CELF4: variants seen among roughly 807,000 people sequenced by gnomAD.
CELF4 encodes the protein CUG-BP- and ETR-3-like factor 4.
A neutral mutation model predicts 59.9 loss-of-function variants in CELF4; 18 were observed. That is an observed-to-expected ratio of 0.30 (90% CI 0.21 to 0.45). The LOEUF (loss-of-function observed/expected upper bound fraction) is 0.45. CELF4 is among the 20% of genes least tolerant of loss of function. CELF4 has a pLI of 1.00. For synonymous variants in CELF4, 261 were observed against 267.1 expected, an observed-to-expected ratio of 0.98 and a Z score of 0.22; for missense variants, 456 against 689.0, an observed-to-expected ratio of 0.66 and a Z score of 3.79.
intron 2 of CELF4, among the ~76,000 whole-genome samples, chr18:37,365,981 G>A (rs2098776491): frequency 6.6e-6 from 1 of 152,210 alleles, no homozygotes; most frequent in Non-Finnish European, 1.5e-5. Flanking sequence ...TGACCTGGAA[G>A]TTTCAGTAGG....
At position 37,253,014 on chromosome 18, in the gene CELF4, C is replaced by T. The variant is rs925575356; in HGVS notation, c.*44+753G>A. Among the ~76,000 whole-genome samples the T allele has an allele frequency of 4.6e-5, 7 of 151,866 alleles. No homozygotes were observed. The highest frequency in any genetic ancestry group is 1.3e-4 in the Admixed American group (2 of 15,260). ...ACTTTTGATGTCCTGGGGAATCTCC[C>T]CCCATTCTTTCTGCAGGAAGAACTT... is the stretch of plus-strand genomic sequence containing the variant. On this transcript the variant is annotated intron_variant, in intron 12 of 12. Transcript: ENST00000420428. This position sits in a 1 kb window ranked among gnomAD's most constrained non-coding sequence, Gnocchi z 4.5.
At chr18:37,306,982 C>T (rs943969563) in intron 3 of CELF4, among the ~76,000 whole-genome samples, 2 of 152,182 alleles carry the variant, frequency 1.3e-5, no homozygotes, top group African/African-American at 2.4e-5. Context: ...GCCACGTTTG[C>T]CACCTCTGTG....
intron 3 of CELF4, 26 bp downstream of exon 3, chr18:37,321,776 GA>G: frequency 1.3e-6 from 2 of 1,525,722 alleles, no homozygotes; most frequent in Non-Finnish European, 1.8e-6. Context: ...GGGGGAGGGG[GA>G]GGGGCAGAGA....
intron 2 of CELF4, among the ~76,000 whole-genome samples, chr18:37,393,051 AC>A (rs1160554447): frequency 4.8e-5 from 2 of 41,498 alleles, no homozygotes; most frequent in African/African-American, 3.2e-4. Flanking sequence ...TTGCACAGAC[AC>A]AGGGACTGCG....
At chr18:37,490,640 T>C (rs2099899414) in intron 1 of CELF4, among the ~76,000 whole-genome samples, 1 of 152,104 alleles carries the variant, frequency 6.6e-6, no homozygotes, top group Non-Finnish European at 1.5e-5. Flanking sequence ...CTCAGCAAGC[T>C]GGAAATGTAA....
At position 37,346,394 on chromosome 18, in the gene CELF4, G is replaced by A. The variant is rs763279706; in HGVS notation, c.370-24513C>T. On this transcript the variant is annotated intron_variant, in intron 2 of 12. Coordinates refer to ENST00000420428, the MANE Select transcript of CELF4 (RefSeq NM_020180.4). ...GGGAGAAGTGGGGAATGAATGCAGAGTGTGACAGAGGCAGGGCAGGTTTGC... is the reference window on the plus strand; with the variant it reads ...GGGAGAAGTGGGGAATGAATGCAGAATGTGACAGAGGCAGGGCAGGTTTGC... Among the ~76,000 whole-genome samples, 46 of 152,218 alleles carry A rather than the reference G, an allele frequency of 3.0e-4. 1 individual carries two copies. The highest frequency in any genetic ancestry group is 2.6e-4 in the Admixed American group (4 of 15,286).
intron 2 of CELF4, among the ~76,000 whole-genome samples, chr18:37,349,687 GGCCA>G (rs1405872334): frequency 1.3e-5 from 2 of 152,130 alleles, no homozygotes; most frequent in African/African-American, 4.8e-5. Flanking sequence ...CAGCAGCGTG[GGCCA>G]GCCCATCGGA....
At chr18:37,264,128 A>C (rs1280224612) in intron 10 of CELF4, among the ~76,000 whole-genome samples, 4 of 152,158 alleles carry the variant, frequency 2.6e-5, no homozygotes, top group Non-Finnish European at 4.4e-5. Context: ...CCCTGGGAAC[A>C]CAGTGGTAGG....
chr18:37,509,447 A>G (rs952212323), intron 1 of CELF4, among the ~76,000 whole-genome samples: 8 of 152,204 alleles, frequency 5.3e-5, no homozygotes, highest in African/African-American at 1.9e-4. Context: ...ATCTATCTGA[A>G]CCTCAGCTTT....
intron 2 of CELF4, among the ~76,000 whole-genome samples, chr18:37,433,935 A>AT (rs2154600889): frequency 6.6e-6 from 1 of 152,256 alleles, no homozygotes; most frequent in Non-Finnish European, 1.5e-5. Flanking sequence ...GGAAGTGTTT[A>AT]TTTTTATTTA....
At chr18:37,446,388 TG>T (rs2099748314) in intron 2 of CELF4, among the ~76,000 whole-genome samples, 1 of 152,034 alleles carries the variant, frequency 6.6e-6, no homozygotes, top group South Asian at 2.1e-4. Context: ...GGTCCTCAAC[TG>T]GGGGTGCTGT....
intron 2 of CELF4, among the ~76,000 whole-genome samples, chr18:37,455,550 G>A (rs1464300884): frequency 1.3e-5 from 2 of 152,196 alleles, no homozygotes; most frequent in Non-Finnish European, 2.9e-5. Flanking sequence ...CATAATTGGG[G>A]AGCCAGGGCT....
chr18:37,416,178 T>TAATC (rs2099526106), intron 2 of CELF4, among the ~76,000 whole-genome samples: 1 of 151,362 alleles, frequency 6.6e-6, no homozygotes, highest in African/African-American at 2.4e-5. Context: ...CCATTTGAGG[T>TAATC]CATCCATCCA....
chr18:37,361,869 G>A (rs1274801624), intron 2 of CELF4, among the ~76,000 whole-genome samples: 3 of 138,388 alleles, frequency 2.2e-5, no homozygotes, highest in African/African-American at 7.7e-5. Context: ...GGAGGGGGGC[G>A]GGGGATTCCT....
chr18:37,251,078 G>T (rs1432050631), intron 12 of CELF4, among the ~76,000 whole-genome samples: 5 of 152,130 alleles, frequency 3.3e-5, no homozygotes, highest in African/African-American at 1.2e-4. Context: ...TGGCTTCAAA[G>T]CTTGGCTCTG....
In CELF4 at chr18:37,274,815, T is replaced by C; in HGVS notation, c.647A>G (p.Gln216Arg). 1 of 1,602,216 alleles carries C rather than the reference T, an allele frequency of 6.2e-7. No homozygotes were observed. Among genetic ancestry groups the C allele is most frequent in the Non-Finnish European group, 8.5e-7 (1 of 1,175,852 alleles). Residue 216 changes from glutamine to arginine, a missense_variant, in exon 5 of 13, where the codon CAG (glutamine) becomes CGG (arginine). Coordinates refer to ENST00000420428, the MANE Select transcript of CELF4 (RefSeq NM_020180.4). ...QAAINALHGS[Q>R]TMPGASSSLV... ...GGGGCCAGCACTCACCGGCATGGTC[T>C]GGCTGCCGTGTAGCGCGTTGATGGC...
intron 1 of CELF4, among the ~76,000 whole-genome samples, chr18:37,515,695 G>T (rs1008081127): frequency 1.3e-5 from 2 of 152,186 alleles, no homozygotes; most frequent in African/African-American, 4.8e-5. Flanking sequence ...TGAACTGAAG[G>T]GTGCTGCCCT....
chr18:37,351,272 C>T lies in CELF4; in HGVS notation c.370-29391G>A, dbSNP rs543792054. ...CATCGTGTTGATTAATGCAATTTATCTTGCATACCAGCAGCAGACAGCTGA... is the reference window on the plus strand; with the variant it reads ...CATCGTGTTGATTAATGCAATTTATTTTGCATACCAGCAGCAGACAGCTGA... On this transcript the variant is annotated intron_variant, in intron 2 of 12. Transcript: ENST00000420428. Among the ~76,000 whole-genome samples, 5 of 152,296 alleles carry T rather than the reference C, an allele frequency of 3.3e-5. No individual in the cohort carries two copies. The East Asian group carries it at 9.7e-4, about 29-fold the overall frequency.
Position 37,430,764 on chromosome 18 carries a change from C to T in CELF4, c.369+54761G>A, listed in dbSNP as rs570253162. On this transcript the variant is annotated intron_variant, in intron 2 of 12. Transcript: ENST00000420428. ...GTAGCTAAGGAAGTGGCCTGTCAGG[C>T]CCCCTCTAGTTGTGTCTCCCAGGGC... Among the ~76,000 whole-genome samples the T allele has an allele frequency of 6.6e-5, 10 of 152,304 alleles. No individual in the cohort carries two copies. The South Asian group carries it at 2.1e-3, about 32-fold the overall frequency.
Sources: gnomAD v4.1 joint callset for allele counts (sites outside exome capture counted in the v4.1 genomes callset) on GRCh38, gnomAD v4.1.1 for gene constraint, Gnocchi (gnomAD v3.1) non-coding constraint, MANE v1.5 for transcripts, NCBI Gene and HGNC (gene_info 2026-07-23, HGNC 2026-07-21) for gene names.